The following CDH23 variants were observed in gnomAD, a reference collection of about 807,000 sequenced individuals.
The protein encoded by CDH23 is cadherin related 23.
Under a neutral mutation model 317.1 loss-of-function variants are expected in CDH23, and 189 were observed. The ratio of observed to expected loss-of-function variants is 0.60; its 90% CI spans 0.53 to 0.67. The LOEUF (loss-of-function observed/expected upper bound fraction) is 0.67. Ranked by LOEUF, CDH23 falls within the 30% of genes least tolerant of loss-of-function variation. The pLI, the probability that CDH23 is intolerant of heterozygous loss-of-function variation, is 0.00. For synonymous variants in CDH23, 1,839 were observed against 1,876.8 expected, an observed-to-expected ratio of 0.98 and a Z score of 0.52; for missense variants, 4,401 against 4,592.4, an observed-to-expected ratio of 0.96 and a Z score of 1.20.
chr10:71,403,338 T>C (rs201904192), intron 1 of CDH23, among the ~76,000 whole-genome samples: 14,041 of 53,866 alleles, frequency 0.26, 3,435 homozygotes, highest in African/African-American at 0.58. Flanking sequence ...TTTCTTTCTT[T>C]CTTTCTTTCT....
At chr10:71,426,850 A>T (rs1387582067) in intron 1 of CDH23, among the ~76,000 whole-genome samples, 1 of 152,012 alleles carries the variant, frequency 6.6e-6, no homozygotes, top group Non-Finnish European at 1.5e-5. Flanking sequence ...TTATCATCTC[A>T]CAAAGATACC....
chr10:71,687,215 A>G (rs979150729), intron 18 of CDH23, among the ~76,000 whole-genome samples: 1 of 152,066 alleles, frequency 6.6e-6, no homozygotes, highest in African/African-American at 2.4e-5. Flanking sequence ...CTTTGAGGAG[A>G]GTCCTAGAAG....
At chr10:71,707,599 G>T in intron 26 of CDH23, 1 of 916,130 alleles carries the variant, frequency 1.1e-6, no homozygotes, top group Non-Finnish European at 1.3e-6. Flanking sequence ...CAATGGATTA[G>T]TGATGTCTGC....
intron 14 of CDH23, among the ~76,000 whole-genome samples, chr10:71,674,885 T>C (rs1294790302): frequency 2.6e-5 from 4 of 152,126 alleles, no homozygotes; most frequent in Admixed American, 6.5e-5. Flanking sequence ...ACCTGGTGTG[T>C]GGAGGAACAC....
intron 1 of CDH23, among the ~76,000 whole-genome samples, chr10:71,424,677 G>T (rs1255988990): frequency 6.6e-6 from 1 of 152,194 alleles, no homozygotes; most frequent in Non-Finnish European, 1.5e-5. Flanking sequence ...TTCAGTCATT[G>T]ATTCATGATT....
At chr10:71,743,043 G>A (rs530862740) in intron 38 of CDH23, among the ~76,000 whole-genome samples, 1 of 152,316 alleles carries the variant, frequency 6.6e-6, no homozygotes, top group South Asian at 2.1e-4. Context: ...AAAGTGTCCA[G>A]AAGAGACAGC....
Position 71,712,771 on chromosome 10 carries a change from C to T in CDH23, c.3327C>T (p.Ala1109=), listed in dbSNP as rs1866029830. Residue 1109 remains alanine, a synonymous_variant, in exon 28 of 70, where the codon GCC becomes GCT. Coordinates refer to ENST00000224721, the MANE Select transcript of CDH23 (RefSeq NM_022124.6). ...TCTTTCTGCAGAGCAGCTATGAGGC[C>T]AGCGTCCCTGAGGACATCCCTGAAG... ...RPIFLQSSYE[A]SVPEDIPEGH... 3.7e-6 allele frequency: 6 copies of T among 1,613,096 alleles called. No homozygotes were observed. Among genetic ancestry groups the T allele is most frequent in the Admixed American group, 1.7e-5 (1 of 59,952 alleles).
At chr10:71,813,399 G>C (rs1842009846) in intron 69 of CDH23, 51 bp downstream of exon 69, 2 of 1,445,282 alleles carry the variant, frequency 1.4e-6, no homozygotes, top group Admixed American at 3.9e-5. Flanking sequence ...GCCTGGGGAT[G>C]CTCTCTGTCT....
At chr10:71,615,344 GCT>G (rs1448344614) in intron 9 of CDH23, among the ~76,000 whole-genome samples, 158 bp from the exon 10 acceptor site, 1 of 152,172 alleles carries the variant, frequency 6.6e-6, no homozygotes, top group Non-Finnish European at 1.5e-5. Context: ...GGACTCCAGG[GCT>G]CTTTCTATTA....
chr10:71,810,324 C>A, intron 61 of CDH23, 148 bp from the exon 62 acceptor site: 1 of 836,716 alleles, frequency 1.2e-6, no homozygotes, highest in Non-Finnish European at 1.9e-6. Context: ...TGATTGGCAC[C>A]GTGCCTGGTC....
At chr10:71,622,909 T>C in intron 11 of CDH23, 1 of 985,408 alleles carries the variant, frequency 1.0e-6, no homozygotes, top group South Asian at 4.7e-5. Flanking sequence ...ATTGGAATAT[T>C]TCAGAAAGGC....
intron 6 of CDH23, among the ~76,000 whole-genome samples, chr10:71,551,029 C>T (rs1856566673): frequency 6.6e-6 from 1 of 152,208 alleles, no homozygotes; most frequent in South Asian, 2.1e-4. Flanking sequence ...GAGCGGCAAA[C>T]CTAATGATTC....
intron 3 of CDH23, among the ~76,000 whole-genome samples, chr10:71,462,250 GAGTGGTGGT>G (rs1336742217): frequency 3.3e-5 from 5 of 152,258 alleles, no homozygotes; most frequent in African/African-American, 1.2e-4. Context: ...TGTTTACACA[GAGTGGTGGT>G]GCAGCAGTGG....
chr10:71,669,926 G>A (rs1342874095), intron 14 of CDH23, among the ~76,000 whole-genome samples: 3 of 152,086 alleles, frequency 2.0e-5, no homozygotes, highest in East Asian at 1.9e-4. Flanking sequence ...GCTTGAACCC[G>A]GGAGGCGGAG....
chr10:71,787,319 A>ATTTTTTT (rs34939679), intron 44 of CDH23, among the ~76,000 whole-genome samples: 1 of 126,384 alleles, frequency 7.9e-6, no homozygotes. Flanking sequence ...CGCTTTTCAG[A>ATTTTTTT]TTTTTTTTTT....
chr10:71,615,067 A>C (rs996975566), intron 9 of CDH23, among the ~76,000 whole-genome samples: 2 of 152,246 alleles, frequency 1.3e-5, no homozygotes, highest in Non-Finnish European at 2.9e-5. Flanking sequence ...CTAGACTAGA[A>C]TAGAATGTCA....
At position 71,640,963 on chromosome 10, in the gene CDH23, A is replaced by G. The variant is rs544779444; in HGVS notation, c.1135-2898A>G. Among the ~76,000 whole-genome samples, 3 of 152,294 alleles carry G rather than the reference A, an allele frequency of 2.0e-5. No homozygotes were observed. In the South Asian group the frequency reaches 6.2e-4, roughly 32 times the overall value. On this transcript the variant is annotated intron_variant, in intron 11 of 69. Transcript: ENST00000224721. ...GATACACTTTGGAATGAATAACTGG[A>G]GAGCTTTATAGAATGCGGATGCCTA...
intron 53 of CDH23, 105 bp downstream of exon 53, chr10:71,800,860 C>T (rs1168108259): frequency 1.4e-6 from 2 of 1,479,276 alleles, no homozygotes; most frequent in Non-Finnish European, 1.8e-6. Flanking sequence ...GCAGAGCCCC[C>T]CGGTCCCCTT....
At chr10:71,406,725 G>A (rs896552645) in intron 1 of CDH23, among the ~76,000 whole-genome samples, 2 of 152,206 alleles carry the variant, frequency 1.3e-5, no homozygotes, top group African/African-American at 2.4e-5. Context: ...TGAAAACACA[G>A]CGAGGCCATT....
Sources: gnomAD v4.1 joint callset for allele counts (sites outside exome capture counted in the v4.1 genomes callset) on GRCh38, gnomAD v4.1.1 for gene constraint, MANE v1.5 for transcripts, NCBI Gene and HGNC (gene_info 2026-07-23, HGNC 2026-07-21) for gene names.